MGAM2: variants seen among roughly 807,000 people sequenced by gnomAD.
MGAM2 encodes probable maltase-glucoamylase 2.
Under a neutral mutation model 96.1 loss-of-function variants are expected in MGAM2, and 98 were observed. The observed-to-expected ratio is 1.02, with a 90% CI of 0.87 to 1.21. MGAM2 has a LOEUF of 1.21. Among genes scored for constraint, MGAM2 ranks in the 50% most tolerant of loss-of-function variants. The pLI, the probability that MGAM2 is intolerant of heterozygous loss-of-function variation, is 0.00. For missense variants in MGAM2, 2,055 were observed against 1,182.4 expected (o/e 1.74, Z -10.82); for synonymous variants, 749 against 414.8 (o/e 1.81, Z -9.79).
intron 36 of MGAM2, among the ~76,000 whole-genome samples, 175 bp downstream of exon 36, chr7:142,188,009 T>A (rs1476277183): frequency 6.6e-6 from 1 of 151,794 alleles, no homozygotes; most frequent in Non-Finnish European, 1.5e-5. Context: ...AAGCAAGAAA[T>A]AATGACATGA....
intron 37 of MGAM2, among the ~76,000 whole-genome samples, chr7:142,195,323 T>G (rs1300871133): frequency 6.6e-6 from 1 of 150,496 alleles, no homozygotes; most frequent in Non-Finnish European, 1.5e-5. Flanking sequence ...TGTGAGTTTC[T>G]GTGCCTGGCC....
At chr7:142,130,226 T>A (rs1432301800) in intron 3 of MGAM2, among the ~76,000 whole-genome samples, 1 of 152,220 alleles carries the variant, frequency 6.6e-6, no homozygotes, top group African/African-American at 2.4e-5. Context: ...TATGTTACCC[T>A]CTGTCCTAGT....
chr7:142,154,963 A>G (rs1379461085), intron 17 of MGAM2, 118 bp downstream of exon 17: 1 of 637,768 alleles, frequency 1.6e-6, no homozygotes. Flanking sequence ...GAAGGATAAA[A>G]AAGTCTTGTA....
intron 1 of MGAM2, among the ~76,000 whole-genome samples, 171 bp downstream of exon 1, chr7:142,111,978 T>C (rs1817186347): frequency 6.8e-6 from 1 of 147,452 alleles, no homozygotes; most frequent in South Asian, 2.2e-4. Context: ...GAGGATGAGA[T>C]AGTTGATGGA....
chr7:142,207,333 G>A (rs949616886), intron 45 of MGAM2, among the ~76,000 whole-genome samples: 6 of 152,158 alleles, frequency 3.9e-5, no homozygotes, highest in African/African-American at 1.4e-4. Context: ...GGAAACACAG[G>A]AGCTGGAGTT....
intron 45 of MGAM2, among the ~76,000 whole-genome samples, chr7:142,200,991 T>A (rs572455660): frequency 0.02 from 263 of 13,200 alleles, no homozygotes; most frequent in Middle Eastern, 0.071. Context: ...TAAATACCAT[T>A]ATGTATGATG....
chr7:142,132,459 TTAAATTA>T (rs1171890160), intron 6 of MGAM2, among the ~76,000 whole-genome samples: 4 of 139,648 alleles, frequency 2.9e-5, no homozygotes, highest in Non-Finnish European at 6.1e-5. Context: ...ATAATTATAT[TTAAATTA>T]TAAAATTATA....
Position 142,185,113 on chromosome 7 carries a change from T to A in MGAM2, c.3961T>A (p.Ser1321Thr), listed in dbSNP as rs1796655163. 1.4e-6 allele frequency: 1 copy of A among 702,886 alleles called. No homozygotes were observed. The highest frequency in any genetic ancestry group is 1.7e-5 in the African/African-American group (1 of 57,252). The allele number at this position is 702,886 out of a possible 1,614,324, so 43.5% of individuals were successfully genotyped here. Residue 1321 changes from serine to threonine, a missense_variant, in exon 34 of 48, where the codon TCC becomes ACC. Coordinates refer to ENST00000477922, the MANE Select transcript of MGAM2 (RefSeq NM_001293626.2). ...TCTGCCTAATGTAATTGTAGATGGA[T>A]CCCTTGACCATGAAACTCAGGTTAA... is the stretch of plus-strand genomic sequence containing the variant. ...PDLPNVIVDG[S>T]LDHETQVKLY...
At chr7:142,172,017 A>G (rs1171320515) in intron 28 of MGAM2, 81 bp from the exon 29 acceptor site, 1 of 570,382 alleles carries the variant, frequency 1.8e-6, no homozygotes, top group East Asian at 3.0e-5. Flanking sequence ...TTTAATGATG[A>G]GTAAGAGTTT....
chr7:142,219,833 T>C, intron 47 of MGAM2, 37 bp from the exon 48 acceptor site: 1 of 649,862 alleles, frequency 1.5e-6, no homozygotes, highest in Non-Finnish European at 2.8e-6. Flanking sequence ...TTTAAGAAGT[T>C]CTAAAATACC....
At chr7:142,154,630 T>C in intron 16 of MGAM2, 99 bp from the exon 17 acceptor site, 3 of 651,894 alleles carry the variant, frequency 4.6e-6, no homozygotes, top group Non-Finnish European at 8.4e-6. Context: ...CATGGGATGA[T>C]GTGACAAAGA....
At chr7:142,208,100 T>C (rs1452602946) in intron 45 of MGAM2, 5 of 447,200 alleles carry the variant, frequency 1.1e-5, no homozygotes. Flanking sequence ...GATGATAAAA[T>C]GTTAAGTAAC....
chr7:142,196,073 C>T (rs1369691327), intron 37 of MGAM2, 81 bp from the exon 38 acceptor site: 10 of 717,798 alleles, frequency 1.4e-5, no homozygotes, highest in Non-Finnish European at 2.5e-5. Flanking sequence ...AGTACCCTCA[C>T]CCTCTCATGC....
chr7:142,221,288 T>C lies in MGAM2; in HGVS notation c.6777T>C (p.Thr2259=), dbSNP rs989067788. ...NITSNSISIT[T]TSFGNSVPFV... The stretch of plus-strand genomic sequence containing the variant: ...CTAGTAATAGTATTTCCATAACAAC[T>C]ACTTCTTTTGGTAATAGTGTTCCTT... Residue 2259 remains threonine, a synonymous_variant, in exon 48 of 48, where the codon ACT becomes ACC. Transcript: ENST00000477922. 8 of 675,798 alleles carry C rather than the reference T, an allele frequency of 1.2e-5. No individual in the cohort carries two copies. Among genetic ancestry groups the C allele is most frequent in the Non-Finnish European group, 1.9e-5 (7 of 371,304 alleles). 41.9% of individuals were successfully genotyped at this position (675,798 alleles called of 1,614,324 possible).
chr7:142,168,571 C>T (rs1397384836), intron 26 of MGAM2, among the ~76,000 whole-genome samples: 2 of 152,054 alleles, frequency 1.3e-5, no homozygotes, highest in African/African-American at 4.8e-5. Context: ...CGCCCGGCCT[C>T]GAGAATCTGC....
At chr7:142,186,749 C>T (rs1054746611) in intron 35 of MGAM2, among the ~76,000 whole-genome samples, 3 of 152,188 alleles carry the variant, frequency 2.0e-5, no homozygotes, top group African/African-American at 7.2e-5. Context: ...CTATTCAGCT[C>T]TGGGTCAGAC....
Position 142,167,005 on chromosome 7 carries a change from A to G in MGAM2, c.2809-263A>G, listed in dbSNP as rs141863656. On this transcript the variant is annotated intron_variant, in intron 25 of 47. Coordinates refer to ENST00000477922, the MANE Select transcript of MGAM2 (RefSeq NM_001293626.2). ...CTATCTCTGTGTCCAAATTTTCCTT[A>G]TTAATAAGGATACCAGTAATACCGG... Among the ~76,000 whole-genome samples, 409 of 152,222 alleles carry G rather than the reference A, an allele frequency of 2.7e-3. 4 individuals are homozygous for G. The highest frequency in any genetic ancestry group is 9.5e-3 in the African/African-American group (394 of 41,524).
chr7:142,156,601 C>T (rs1287520868), intron 17 of MGAM2, among the ~76,000 whole-genome samples: 1 of 152,186 alleles, frequency 6.6e-6, no homozygotes, highest in African/African-American at 2.4e-5. Flanking sequence ...GTGGACAGCA[C>T]AGCTCTGGGC....
chr7:142,167,975 A>G (rs1796077838), intron 26 of MGAM2, among the ~76,000 whole-genome samples: 1 of 152,184 alleles, frequency 6.6e-6, no homozygotes, highest in Non-Finnish European at 1.5e-5. Context: ...ATGTGGCCTT[A>G]GATCTATGAG....
Sources: allele counts gnomAD v4.1 joint callset (sites outside exome capture counted in the v4.1 genomes callset), GRCh38; gene constraint gnomAD v4.1.1; transcripts MANE v1.5; gene names NCBI Gene and HGNC (gene_info 2026-07-23, HGNC 2026-07-21).